PCDHA6: variants seen among roughly 807,000 people sequenced by gnomAD.
PCDHA6 encodes protocadherin alpha 6.
In PCDHA6, 55 loss-of-function variants were observed where a neutral mutation model predicts 60.3. That is an observed-to-expected ratio of 0.91 (90% CI 0.73 to 1.14). PCDHA6 has a LOEUF of 1.14. Ranked by LOEUF, PCDHA6 falls within the 50% of genes most tolerant of loss-of-function variation. The probability of loss-of-function intolerance (pLI) is 0.00; values close to 1 mark genes in which losing one functional copy is unlikely to be tolerated. For synonymous variants in PCDHA6, 652 were observed against 557.9 expected, an observed-to-expected ratio of 1.17 and a Z score of -2.38; for missense variants, 1,327 against 1,256.5, an observed-to-expected ratio of 1.06 and a Z score of -0.85.
chr5:140,869,293 T>C, intron 1 of PCDHA6: 2 of 1,613,604 alleles, frequency 1.2e-6, no homozygotes, highest in African/African-American at 1.3e-5. Flanking sequence ...GCAGCGCCTG[T>C]TCCGGGTGGC....
chr5:140,922,388 CT>C (rs1233800006), intron 1 of PCDHA6, among the ~76,000 whole-genome samples: 1 of 152,148 alleles, frequency 6.6e-6, no homozygotes, highest in Non-Finnish European at 1.5e-5. Flanking sequence ...CCAAAGACTC[CT>C]TGTTTTGGAT....
chr5:140,928,998 CGT>C, intron 1 of PCDHA6: 1 of 1,613,902 alleles, frequency 6.2e-7, no homozygotes. Flanking sequence ...TACTTTTCTT[CGT>C]GTGTACCAAG....
chr5:140,897,446 T>G (rs2066114237), intron 1 of PCDHA6, among the ~76,000 whole-genome samples: 1 of 151,576 alleles, frequency 6.6e-6, no homozygotes, highest in South Asian at 2.1e-4. Context: ...GTGTTTGGTT[T>G]TTTGTCCTTG....
chr5:140,914,022 C>T (rs1157309436), intron 1 of PCDHA6, among the ~76,000 whole-genome samples: 2 of 152,134 alleles, frequency 1.3e-5, no homozygotes, highest in African/African-American at 2.4e-5. Context: ...GAATGATCCA[C>T]GTGCTGAGAA....
intron 1 of PCDHA6, chr5:140,842,893 C>T: frequency 6.3e-7 from 1 of 1,594,312 alleles, no homozygotes; most frequent in Non-Finnish European, 8.6e-7. Context: ...AGCCGCTGGA[C>T]CACGAGGAGC....
chr5:140,843,314 GT>G lies in PCDHA6; in HGVS notation c.2394+12831del, dbSNP rs2150357252. 6.3e-6 allele frequency: 10 copies of G among 1,596,084 alleles called. 1 individual carries two copies. The highest frequency in any genetic ancestry group is 8.6e-6 in the Non-Finnish European group (10 of 1,165,598). ...ACCTGCGCTGACCGCCACGGCCACGGTTCTGGTGTCGCTGGTGGAGAGCGGC... is the reference window on the plus strand; with the variant it reads ...ACCTGCGCTGACCGCCACGGCCACGGTCTGGTGTCGCTGGTGGAGAGCGGC... On this transcript the variant is annotated intron_variant, in intron 1 of 3. Transcript: ENST00000529310.
Position 140,828,194 on chromosome 5 carries a change from G to C in PCDHA6, c.103G>C (p.Val35Leu). The C allele has an allele frequency of 6.2e-7, 1 of 1,614,066 alleles. No homozygotes were observed. Among genetic ancestry groups the C allele is most frequent in the Non-Finnish European group, 8.5e-7 (1 of 1,180,050 alleles). Residue 35 changes from valine to leucine, a missense_variant, in exon 1 of 4, where the codon GTA becomes CTA. Coordinates refer to ENST00000529310, the MANE Select transcript of PCDHA6 (RefSeq NM_018909.4). ...GGGGAGCGGCCAGCTCCACTACTCC[G>C]TACCCGAGGAGGCCAAACACGGCAC... ...KVGSGQLHYS[V>L]PEEAKHGTFV...
chr5:140,980,102 C>A (rs782586995), intron 2 of PCDHA6, among the ~76,000 whole-genome samples: 1 of 152,192 alleles, frequency 6.6e-6, no homozygotes, highest in Non-Finnish European at 1.5e-5. Flanking sequence ...GGTAAGATGT[C>A]ACATTGGAAC....
chr5:140,850,843 C>T, intron 1 of PCDHA6: 1 of 1,597,346 alleles, frequency 6.3e-7, no homozygotes, highest in African/African-American at 1.3e-5. Flanking sequence ...GCTGGATCTA[C>T]AGAGCGAACG....
intron 1 of PCDHA6, among the ~76,000 whole-genome samples, chr5:140,920,166 A>G (rs539079245): frequency 2.2e-4 from 34 of 152,328 alleles, no homozygotes; most frequent in African/African-American, 7.9e-4. Flanking sequence ...AACTGTCTTA[A>G]GCAACCCAGT....
chr5:140,927,137 A>G, intron 1 of PCDHA6: 2 of 1,614,052 alleles, frequency 1.2e-6, no homozygotes, highest in South Asian at 2.2e-5. Context: ...GAGCCGGCGG[A>G]CCGCGAACAG....
intron 3 of PCDHA6, among the ~76,000 whole-genome samples, chr5:140,994,613 G>A (rs1452021453): frequency 2.0e-5 from 3 of 152,082 alleles, no homozygotes; most frequent in Admixed American, 6.5e-5. Flanking sequence ...GCTGAGGCAC[G>A]AGAGTCACTT....
rs140175664 is a variant in PCDHA6, at chr5:140,837,632, C to CCTTT, written c.2394+7163_2394+7166dup. Among the ~76,000 whole-genome samples, 52 of 151,222 alleles carry CCTTT rather than the reference C, an allele frequency of 3.4e-4. 1 individual carries two copies. Among genetic ancestry groups the CCTTT allele is most frequent in the Middle Eastern group, 6.8e-3 (2 of 294 alleles). On this transcript the variant is annotated intron_variant, in intron 1 of 3. Transcript: ENST00000529310. ...TAATTTGCCCCTTCCTTCCTTCCTT[C>CCTTT]CTTTCTTTCTTTCTTTCTTCCTTTT...
At chr5:140,849,121 A>T (rs2150430770) in intron 1 of PCDHA6, 1 of 1,407,396 alleles carries the variant, frequency 7.1e-7, no homozygotes. Flanking sequence ...CCGGAGCTTC[A>T]TTTATTGCTC....
At chr5:140,875,886 A>C (rs201813340) in intron 1 of PCDHA6, 1 of 1,614,176 alleles carries the variant, frequency 6.2e-7, no homozygotes, top group Non-Finnish European at 8.5e-7. Flanking sequence ...AAAGGGAACA[A>C]AAGGTACCTG....
intron 3 of PCDHA6, among the ~76,000 whole-genome samples, chr5:140,983,886 T>C (rs1280409622): frequency 1.3e-5 from 2 of 152,206 alleles, no homozygotes; most frequent in Non-Finnish European, 2.9e-5. Flanking sequence ...CTGGCAACTT[T>C]AAGGGCATTC....
chr5:140,947,146 A>G (rs1253300651), intron 1 of PCDHA6, among the ~76,000 whole-genome samples: 2 of 151,546 alleles, frequency 1.3e-5, no homozygotes, highest in Non-Finnish European at 1.5e-5. Context: ...ATGTATAGTT[A>G]CTTCCACGGG....
Position 140,883,339 on chromosome 5 carries a change from C to A in PCDHA6, c.2394+52854C>A, listed in dbSNP as rs142984869. 95 of 1,614,172 alleles carry A rather than the reference C, an allele frequency of 5.9e-5. No individual in the cohort carries two copies. The African/African-American group carries it at 1.1e-3, about 19-fold the overall frequency. ...AGGTTACCATCACTTCTTTGTCACTCCCCATCAGAGAAGACACTCAGCCTA... is the reference window on the plus strand; with the variant it reads ...AGGTTACCATCACTTCTTTGTCACTACCCATCAGAGAAGACACTCAGCCTA... On this transcript the variant is annotated intron_variant, in intron 1 of 3. Coordinates refer to ENST00000529310, the MANE Select transcript of PCDHA6 (RefSeq NM_018909.4).
rs2150184279 is a variant in PCDHA6, at chr5:140,830,283, C to G, written c.2192C>G (p.Ala731Gly). Residue 731 changes from alanine (A) to glycine (G), a missense_variant, in exon 1 of 4, where the codon GCG (alanine) becomes GGG (glycine). Coordinates refer to ENST00000529310, the MANE Select transcript of PCDHA6 (RefSeq NM_018909.4). ...TGCTCGGCGCCACCCACCGAGGGCG[C>G]GTGCACGGCGGACAAGCCCACGCTG... ...LRCSAPPTEGACTADKPTLVC... is the reference protein window; with the variant it reads ...LRCSAPPTEGGCTADKPTLVC... The G allele has an allele frequency of 1.9e-6, 3 of 1,613,760 alleles. No individual in the cohort carries two copies. Among genetic ancestry groups the G allele is most frequent in the East Asian group, 2.2e-5 (1 of 44,860 alleles).
Sources: gnomAD v4.1 joint callset for allele counts (sites outside exome capture counted in the v4.1 genomes callset) on GRCh38, gnomAD v4.1.1 for gene constraint, MANE v1.5 for transcripts, NCBI Gene and HGNC (gene_info 2026-07-23, HGNC 2026-07-21) for gene names.